The following CDH18 variants were observed in gnomAD, a reference collection of about 807,000 sequenced individuals.
CDH18 encodes the protein cadherin 18.
Under a neutral mutation model 67.9 loss-of-function variants are expected in CDH18, and 31 were observed. The ratio of observed to expected loss-of-function variants is 0.46; its 90% CI spans 0.34 to 0.62. The LOEUF (loss-of-function observed/expected upper bound fraction) is 0.62. Ranked by LOEUF, CDH18 falls within the 20% of genes least tolerant of loss-of-function variation. The pLI is 0.01. For synonymous variants in CDH18, 362 were observed against 347.2 expected, an observed-to-expected ratio of 1.04 and a Z score of -0.48; for missense variants, 890 against 975.5, an observed-to-expected ratio of 0.91 and a Z score of 1.17.
chr5:19,612,036 T>C (rs1157259983), intron 6 of CDH18, among the ~76,000 whole-genome samples: 1 of 151,424 alleles, frequency 6.6e-6, no homozygotes, highest in Non-Finnish European at 1.5e-5. Context: ...ATGAAGAATT[T>C]TTTTAAAAAA....
chr5:19,914,721 A>G (rs1791561725), intron 2 of CDH18, among the ~76,000 whole-genome samples: 2 of 152,234 alleles, frequency 1.3e-5, no homozygotes, highest in Middle Eastern at 3.4e-3. Context: ...TTGAGCACCT[A>G]GCAATAATAC....
chr5:20,549,498 A>C (rs1757519239), intron 1 of CDH18, among the ~76,000 whole-genome samples: 1 of 152,172 alleles, frequency 6.6e-6, no homozygotes, highest in South Asian at 2.1e-4. Flanking sequence ...TTACTACAGT[A>C]GGTTATAGAG....
chr5:20,472,040 C>T (rs867176997), intron 1 of CDH18, among the ~76,000 whole-genome samples: 8 of 7,608 alleles, frequency 1.1e-3, no homozygotes, highest in Middle Eastern at 0.056. Flanking sequence ...CTGTGAATAT[C>T]GTATGAACAA....
chr5:19,640,012 C>A (rs1375493017), intron 5 of CDH18, among the ~76,000 whole-genome samples: 3 of 152,092 alleles, frequency 2.0e-5, no homozygotes, highest in African/African-American at 7.2e-5. Flanking sequence ...ACATACTATA[C>A]CCAGAGAAAT....
chr5:19,621,447 C>A (rs957556351), intron 5 of CDH18, among the ~76,000 whole-genome samples: 3 of 151,968 alleles, frequency 2.0e-5, no homozygotes, highest in Admixed American at 6.6e-5. Flanking sequence ...TGTTGATTAT[C>A]TTTTTATATA....
At chr5:19,567,121 C>T (rs1740548472) in intron 8 of CDH18, among the ~76,000 whole-genome samples, 1 of 151,934 alleles carries the variant, frequency 6.6e-6, no homozygotes, top group African/African-American at 2.4e-5. Flanking sequence ...GGGATGATTA[C>T]TGGGTAAAAA....
chr5:20,045,243 G>A (rs984338630), intron 2 of CDH18, among the ~76,000 whole-genome samples: 1 of 152,120 alleles, frequency 6.6e-6, no homozygotes, highest in African/African-American at 2.4e-5. Context: ...GAATCATAAT[G>A]TGTATTCTCA....
At chr5:20,063,779 T>C (rs1295375891) in intron 2 of CDH18, among the ~76,000 whole-genome samples, 1 of 152,164 alleles carries the variant, frequency 6.6e-6, no homozygotes, top group Non-Finnish European at 1.5e-5. Context: ...TCTTTAGATA[T>C]AAATGTACCA....
intron 2 of CDH18, among the ~76,000 whole-genome samples, chr5:20,062,329 T>G (rs1642383113): frequency 6.6e-6 from 1 of 151,832 alleles, no homozygotes; most frequent in Admixed American, 6.6e-5. Context: ...GCTACTTGTA[T>G]TTTTAGCAGA....
chr5:19,544,875 G>T (rs185444134), intron 8 of CDH18, among the ~76,000 whole-genome samples: 1 of 152,100 alleles, frequency 6.6e-6, no homozygotes, highest in Non-Finnish European at 1.5e-5. Flanking sequence ...GCAGATGCAC[G>T]ATGGAGTGCC....
At chr5:20,194,561 C>A (rs1399473600) in intron 2 of CDH18, among the ~76,000 whole-genome samples, 2 of 152,004 alleles carry the variant, frequency 1.3e-5, no homozygotes, top group African/African-American at 2.4e-5. Flanking sequence ...GGTTGAGGCT[C>A]AAGAAGAATG....
chr5:20,215,707 G>A (rs1740714699), intron 2 of CDH18, among the ~76,000 whole-genome samples: 1 of 151,746 alleles, frequency 6.6e-6, no homozygotes, highest in African/African-American at 2.4e-5. Context: ...CATAATATCA[G>A]AGACATGAAA....
In CDH18 at chr5:19,662,525, T is replaced by C. The variant is rs149388062; in HGVS notation, c.644-49924A>G. Among the ~76,000 whole-genome samples the C allele has an allele frequency of 1.3e-3, 197 of 152,216 alleles. 1 individual carries two copies. The highest frequency in any genetic ancestry group is 4.6e-3 in the African/African-American group (191 of 41,572). On this transcript the variant is annotated intron_variant, in intron 5 of 12. Transcript: ENST00000382275. ...GTACGTAATTGTACAGTTTATATTA[T>C]CTCTGCATTTTAGTTCCAGTAGCTT... is the stretch of plus-strand genomic sequence containing the variant.
At chr5:20,077,985 A>G (rs894023745) in intron 2 of CDH18, among the ~76,000 whole-genome samples, 1 of 152,214 alleles carries the variant, frequency 6.6e-6, no homozygotes, top group African/African-American at 2.4e-5. Context: ...CAGCATGCTC[A>G]TTAAATTGAA....
At chr5:19,717,969 C>T (rs1367955512) in intron 5 of CDH18, among the ~76,000 whole-genome samples, 5 of 151,830 alleles carry the variant, frequency 3.3e-5, no homozygotes, top group East Asian at 1.9e-4. Flanking sequence ...ATTACCTTAA[C>T]GAAAGTCATT....
chr5:20,499,947 A>G (rs1190839536), intron 1 of CDH18, among the ~76,000 whole-genome samples: 1 of 152,086 alleles, frequency 6.6e-6, no homozygotes, highest in African/African-American at 2.4e-5. Context: ...ACCTTCACCA[A>G]AAGTTATCTT....
intron 1 of CDH18, among the ~76,000 whole-genome samples, chr5:20,294,832 T>C (rs920892680): frequency 1.3e-5 from 2 of 152,166 alleles, no homozygotes; most frequent in African/African-American, 4.8e-5. Context: ...CCTACATATA[T>C]ATATACACAC....
chr5:19,618,496 G>A (rs888292961), intron 5 of CDH18, among the ~76,000 whole-genome samples: 8 of 152,044 alleles, frequency 5.3e-5, no homozygotes, highest in African/African-American at 7.2e-5. Context: ...ACGAGCCACC[G>A]TGCCTGGCCT....
chr5:19,610,184 A>G lies in CDH18; in HGVS notation c.811+2250T>C, dbSNP rs1023027715. On this transcript the variant is annotated intron_variant, in intron 6 of 12. Transcript: ENST00000382275. ...AAATGCAGCAGGATTTACATCTGTC[A>G]GTCATTCTGCCAGAATGTTACTGAC... Among the ~76,000 whole-genome samples the G allele has an allele frequency of 2.6e-5, 4 of 152,190 alleles. No homozygotes were observed. In the South Asian group the frequency reaches 8.3e-4, roughly 32 times the overall value.
Sources: allele counts gnomAD v4.1 joint callset (sites outside exome capture counted in the v4.1 genomes callset), GRCh38; gene constraint gnomAD v4.1.1; transcripts MANE v1.5; gene names NCBI Gene and HGNC (gene_info 2026-07-23, HGNC 2026-07-21).